Variants in STAC observed in about 807,000 individuals in gnomAD.
The protein encoded by STAC is SH3 and cysteine-rich domain-containing protein.
A neutral mutation model predicts 48.8 loss-of-function variants in STAC; 43 were observed. That is an observed-to-expected ratio of 0.88 (90% CI 0.69 to 1.14). STAC has a LOEUF of 1.14. STAC is among the 50% of genes most tolerant of loss of function. The pLI is 0.00. For synonymous variants in STAC, 193 were observed against 179.5 expected, an observed-to-expected ratio of 1.07 and a Z score of -0.60; for missense variants, 497 against 504.0, an observed-to-expected ratio of 0.99 and a Z score of 0.13.
intron 1 of STAC, among the ~76,000 whole-genome samples, chr3:36,383,203 T>C (rs1411402815): frequency 6.6e-6 from 1 of 152,192 alleles, no homozygotes; most frequent in East Asian, 1.9e-4. Context: ...GCGAGAACAA[T>C]AGTGAGCATC....
rs3749279 is a variant in STAC, at chr3:36,443,331, C to T, written c.112-33C>T. The T allele has an allele frequency of 0.2, 326,564 of 1,611,396 alleles. 33,636 individuals carry two copies. Among genetic ancestry groups the T allele is most frequent in the Admixed American group, 0.26 (15,767 of 59,888 alleles). ...GCCTAGGTCTGCTTGATCCATTGAT[C>T]GTAAGAGAGACTGTTCTGTCATTGC... On this transcript the variant is annotated intron_variant, in intron 1 of 10. Coordinates refer to ENST00000273183, the MANE Select transcript of STAC (RefSeq NM_003149.3). The surrounding 1 kb of genome is among the most constrained non-coding windows in gnomAD (Gnocchi z 4.2).
chr3:36,517,442 G>T (rs1698699946), intron 8 of STAC, among the ~76,000 whole-genome samples: 2 of 152,208 alleles, frequency 1.3e-5, no homozygotes, highest in Non-Finnish European at 1.5e-5. Context: ...TTGAGCCCAG[G>T]AGTTCAAAAC....
chr3:36,395,628 A>G (rs550893124), intron 1 of STAC, among the ~76,000 whole-genome samples: 2 of 152,288 alleles, frequency 1.3e-5, no homozygotes, highest in South Asian at 4.2e-4. Context: ...GTGGGGTGAG[A>G]ACCAACAGAG....
At chr3:36,429,986 T>A (rs896151468) in intron 1 of STAC, among the ~76,000 whole-genome samples, 4 of 152,114 alleles carry the variant, frequency 2.6e-5, no homozygotes. Context: ...TTAGCCTTGG[T>A]TACTGGTAGA....
At chr3:36,438,227 G>A (rs1013088284) in intron 1 of STAC, among the ~76,000 whole-genome samples, 6 of 152,022 alleles carry the variant, frequency 3.9e-5, no homozygotes, top group Non-Finnish European at 8.8e-5. Flanking sequence ...CACCGCACCC[G>A]GCCTGATTGA....
At chr3:36,442,116 G>A (rs944706109) in intron 1 of STAC, among the ~76,000 whole-genome samples, 1 of 152,172 alleles carries the variant, frequency 6.6e-6, no homozygotes, top group South Asian at 2.1e-4. Context: ...GCCTGGATCT[G>A]CATGATCCAT....
intron 8 of STAC, among the ~76,000 whole-genome samples, chr3:36,523,544 TTAAATTG>T (rs1698854481): frequency 6.6e-6 from 1 of 152,130 alleles, no homozygotes; most frequent in South Asian, 2.1e-4. Flanking sequence ...GGAAATAGAG[TTAAATTG>T]TAAACTCTAG....
In STAC at chr3:36,504,467, G is replaced by C. The variant is rs950819488; in HGVS notation, c.831+10G>C. 1 of 1,613,068 alleles carries C rather than the reference G, an allele frequency of 6.2e-7. No homozygotes were observed. The highest frequency in any genetic ancestry group is 8.5e-7 in the Non-Finnish European group (1 of 1,179,424). On this transcript the variant is annotated intron_variant, in intron 7 of 10. Transcript: ENST00000273183. ...GAACATAAACCACCAGGTATTTATGGATGTCACAGAAGACAAGTCAGACAG... is the reference window on the plus strand; with the variant it reads ...GAACATAAACCACCAGGTATTTATGCATGTCACAGAAGACAAGTCAGACAG...
chr3:36,501,847 G>A (rs192386716), intron 6 of STAC, among the ~76,000 whole-genome samples: 4 of 152,170 alleles, frequency 2.6e-5, no homozygotes, highest in Admixed American at 2.0e-4. Flanking sequence ...CCCAAACAAG[G>A]ATATCATGAA....
At chr3:36,409,223 T>TA (rs1184491940) in intron 1 of STAC, among the ~76,000 whole-genome samples, 1 of 152,236 alleles carries the variant, frequency 6.6e-6, no homozygotes, top group South Asian at 2.1e-4. Context: ...AAACACAGAG[T>TA]AAGTGTGCCA....
chr3:36,462,344 C>G (rs186690134), intron 2 of STAC, among the ~76,000 whole-genome samples: 2 of 152,054 alleles, frequency 1.3e-5, no homozygotes, highest in African/African-American at 4.8e-5. Flanking sequence ...ATTTGACAGC[C>G]AAGCCAAAAG....
intron 2 of STAC, among the ~76,000 whole-genome samples, chr3:36,471,760 T>A (rs976390993): frequency 3.9e-5 from 6 of 152,212 alleles, no homozygotes; most frequent in Non-Finnish European, 8.8e-5. Flanking sequence ...AAGAGGTGGG[T>A]TCCCATGGTC....
At chr3:36,419,974 G>C (rs1332386998) in intron 1 of STAC, among the ~76,000 whole-genome samples, 1 of 152,140 alleles carries the variant, frequency 6.6e-6, no homozygotes, top group Non-Finnish European at 1.5e-5. Flanking sequence ...CATACTCCTT[G>C]CTATTTTTTT....
chr3:36,425,279 T>C (rs2125647956), intron 1 of STAC, among the ~76,000 whole-genome samples: 1 of 152,278 alleles, frequency 6.6e-6, no homozygotes, highest in Non-Finnish European at 1.5e-5. Context: ...GAAGAGCATA[T>C]CGCTTTTGTC....
chr3:36,502,924 A>T (rs1698313145), intron 6 of STAC, among the ~76,000 whole-genome samples: 1 of 152,158 alleles, frequency 6.6e-6, no homozygotes, highest in South Asian at 2.1e-4. Flanking sequence ...GCATCCATAA[A>T]CTCTGGAACT....
chr3:36,399,554 G>C (rs1224801085), intron 1 of STAC, among the ~76,000 whole-genome samples: 4 of 152,272 alleles, frequency 2.6e-5, no homozygotes, highest in African/African-American at 9.6e-5. Flanking sequence ...GGAGGGGAGG[G>C]ATAGCACTTG....
chr3:36,402,309 G>A lies in STAC; in HGVS notation c.111+21555G>A, dbSNP rs1037104608. ...GACATGGAGGGGAAGAAGAAGGAAG[G>A]AAGGGAAAAGGGAAGGGAAGAGCGA... is the stretch of plus-strand genomic sequence containing the variant. On this transcript the variant is annotated intron_variant, in intron 1 of 10. Coordinates refer to ENST00000273183, the MANE Select transcript of STAC (RefSeq NM_003149.3). Among the ~76,000 whole-genome samples, 7 of 152,110 alleles carry A rather than the reference G, an allele frequency of 4.6e-5. No homozygotes were observed. In the East Asian group the frequency reaches 9.7e-4, roughly 21 times the overall value.
At chr3:36,456,256 T>C (rs1187954876) in intron 2 of STAC, among the ~76,000 whole-genome samples, 2 of 152,198 alleles carry the variant, frequency 1.3e-5, no homozygotes, top group African/African-American at 2.4e-5. Flanking sequence ...TAATTCAAAC[T>C]GATGAAGGAC....
intron 10 of STAC, among the ~76,000 whole-genome samples, chr3:36,535,976 G>A (rs1264525547): frequency 6.6e-6 from 1 of 152,164 alleles, no homozygotes; most frequent in African/African-American, 2.4e-5. Context: ...GATGATGCTG[G>A]CCTCACAAAA....
Sources: allele counts gnomAD v4.1 joint callset (sites outside exome capture counted in the v4.1 genomes callset), GRCh38; gene constraint gnomAD v4.1.1; non-coding constraint Gnocchi (gnomAD v3.1); transcripts MANE v1.5; gene names NCBI Gene and HGNC (gene_info 2026-07-23, HGNC 2026-07-21).